Variants in NPIPB11 observed in about 807,000 individuals in gnomAD.
NPIPB11 encodes the protein nuclear pore complex-interacting protein family member B11.
Under a neutral mutation model 32.8 loss-of-function variants are expected in NPIPB11, and 17 were observed. That is an observed-to-expected ratio of 0.52 (90% CI 0.35 to 0.78). The LOEUF is 0.78. Among genes scored for constraint, NPIPB11 ranks in the 30% least tolerant of loss-of-function variants. NPIPB11 has a pLI of 0.01. For synonymous variants in NPIPB11, 209 were observed against 398.4 expected, an observed-to-expected ratio of 0.52 and a Z score of 5.66; for missense variants, 537 against 1,000.4, an observed-to-expected ratio of 0.54 and a Z score of 6.25.
Position 29,383,233 on chromosome 16 carries a change from G to C in NPIPB11, c.1699C>G (p.Pro567Ala). 3 of 1,565,680 alleles carry C rather than the reference G, an allele frequency of 1.9e-6. No homozygotes were observed. In the East Asian group the frequency reaches 6.9e-5, roughly 36 times the overall value. ...GAGGGTGGAGCTGAGGGTGGAAGGGGAGTGAGCTGACGCTCGGAAGGTGTC... is the reference window on the plus strand; with the variant it reads ...GAGGGTGGAGCTGAGGGTGGAAGGGCAGTGAGCTGACGCTCGGAAGGTGTC... Residue 567 changes from proline (P) to alanine (A), a missense_variant, in exon 8 of 8, where the codon CCC (proline) becomes GCC (alanine). Coordinates refer to ENST00000524087, the Ensembl canonical transcript of NPIPB11.
chr16:29,406,275 T>C (rs1233810377), upstream of NPIPB11, among the ~76,000 whole-genome samples: 1 of 152,292 alleles, frequency 6.6e-6, no homozygotes, highest in Non-Finnish European at 1.5e-5. Flanking sequence ...CACTGTCAAG[T>C]GAGGTGACAT....
chr16:29,399,148 C>A (rs1963929049), intron 2 of NPIPB11, among the ~76,000 whole-genome samples: 1 of 151,900 alleles, frequency 6.6e-6, no homozygotes, highest in South Asian at 2.1e-4. Flanking sequence ...GGTCTGGTGA[C>A]CAGGACAGAC....
At chr16:29,384,098 C>T (rs1260785436) in exon 8 of NPIPB11, 5 of 1,135,460 alleles carry the variant, frequency 4.4e-6, no homozygotes, top group South Asian at 3.0e-5. Context: ...GATTATCATC[C>T]GCTGAGGGTG....
At chr16:29,400,420 C>T (rs1963962571) in intron 2 of NPIPB11, among the ~76,000 whole-genome samples, 1 of 150,682 alleles carries the variant, frequency 6.6e-6, no homozygotes, top group Non-Finnish European at 1.5e-5. Context: ...GCTGTGTGAC[C>T]CTGGGCTGGT....
chr16:29,404,656 T>C (rs2142142918), upstream of NPIPB11, among the ~76,000 whole-genome samples: 1 of 151,554 alleles, frequency 6.6e-6, no homozygotes, highest in East Asian at 1.9e-4. Flanking sequence ...AGTTCCGGCC[T>C]GGAGGTTTCT....
At chr16:29,390,753 C>T (rs977005273) in intron 3 of NPIPB11, among the ~76,000 whole-genome samples, 6 of 151,644 alleles carry the variant, frequency 4.0e-5, no homozygotes, top group African/African-American at 7.3e-5. Flanking sequence ...CACCTGAGGT[C>T]GGGAGTTTGA....
chr16:29,391,749 G>A (rs1963728172), intron 3 of NPIPB11, among the ~76,000 whole-genome samples: 1 of 152,086 alleles, frequency 6.6e-6, no homozygotes, highest in Non-Finnish European at 1.5e-5. Flanking sequence ...TTGAGATGGA[G>A]TGTCACTCTC....
At chr16:29,389,340 C>T (rs1010897264) in intron 5 of NPIPB11, among the ~76,000 whole-genome samples, 229 of 129,088 alleles carry the variant, frequency 1.8e-3, no homozygotes, top group Middle Eastern at 4.9e-3. Flanking sequence ...CCAGCCTGGG[C>T]GACAGAGCGT....
intron 2 of NPIPB11, among the ~76,000 whole-genome samples, chr16:29,394,884 T>A (rs947805106): frequency 1.3e-5 from 2 of 149,144 alleles, no homozygotes; most frequent in African/African-American, 4.9e-5. Flanking sequence ...TAGCTGGGAG[T>A]ACAGGTGCCT....
At chr16:29,402,724 C>CTCTCTCTGTG (rs1449821025) in intron 2 of NPIPB11, among the ~76,000 whole-genome samples, 87 of 119,672 alleles carry the variant, frequency 7.3e-4, no homozygotes, top group Non-Finnish European at 9.9e-4. Flanking sequence ...CTCTCTCTCT[C>CTCTCTCTGTG]TGTGTGTGTG....
chr16:29,402,075 C>T (rs1038482482), intron 2 of NPIPB11, among the ~76,000 whole-genome samples: 28 of 151,262 alleles, frequency 1.9e-4, no homozygotes, highest in Non-Finnish European at 3.1e-4. Context: ...TTGACTGTAA[C>T]CTCAGGCTTA....
At chr16:29,389,862 A>G in intron 5 of NPIPB11, 79 bp downstream of exon 5, 2 of 1,569,840 alleles carry the variant, frequency 1.3e-6, no homozygotes, top group Non-Finnish European at 1.7e-6. Flanking sequence ...TGTAGAAAAT[A>G]TTCTCAAGGA....
chr16:29,382,306 G>A (rs776006462), exon 8 of NPIPB11: 7 of 1,590,074 alleles, frequency 4.4e-6, no homozygotes, highest in Non-Finnish European at 5.1e-6. Context: ...CTCGGCAGGT[G>A]TCTTGATATT....
At chr16:29,391,694 G>C (rs1215895811) in intron 3 of NPIPB11, among the ~76,000 whole-genome samples, 2 of 152,066 alleles carry the variant, frequency 1.3e-5, no homozygotes, top group East Asian at 3.9e-4. Context: ...ATGTCGGTCA[G>C]ATACCTATGA....
chr16:29,405,780 T>A (rs372706158), upstream of NPIPB11, among the ~76,000 whole-genome samples: 11 of 152,270 alleles, frequency 7.2e-5, no homozygotes, highest in African/African-American at 2.2e-4. Context: ...CCTATAATAC[T>A]GGCTTTCTGG....
chr16:29,382,209 A>G (rs1963509147), exon 8 of NPIPB11: 1 of 1,545,632 alleles, frequency 6.5e-7, no homozygotes, highest in Non-Finnish European at 8.6e-7. Flanking sequence ...TGAGGGTGGA[A>G]GGGGAGTGAG....
upstream of NPIPB11, among the ~76,000 whole-genome samples, chr16:29,406,461 T>G (rs962370903): frequency 6.6e-6 from 1 of 152,240 alleles, no homozygotes; most frequent in Non-Finnish European, 1.5e-5. Flanking sequence ...CTCATGCCTG[T>G]AATCCCAGCA....
intron 3 of NPIPB11, among the ~76,000 whole-genome samples, chr16:29,390,899 G>T (rs201739952): frequency 8.8e-5 from 13 of 148,304 alleles, no homozygotes; most frequent in Admixed American, 2.0e-4. Context: ...GCAGGAAAAG[G>T]TTGTGGTGAG....
At chr16:29,397,751 G>C (rs1355299782) in intron 2 of NPIPB11, 1 of 258,972 alleles carries the variant, frequency 3.9e-6, no homozygotes, top group Admixed American at 6.4e-5. Context: ...GAGTTGGGGA[G>C]GGGGAGGGGA....
Sources: allele counts gnomAD v4.1 joint callset (sites outside exome capture counted in the v4.1 genomes callset), GRCh38; gene constraint gnomAD v4.1.1; transcripts MANE v1.5; gene names NCBI Gene and HGNC (gene_info 2026-07-23, HGNC 2026-07-21).